NBEA: variants seen among roughly 807,000 people sequenced by gnomAD.
NBEA encodes neurobeachin, also known as lysosomal-trafficking regulator 2.
NBEA carries 44 observed loss-of-function variants against 343.4 expected under a neutral mutation model. That is an observed-to-expected ratio of 0.13 (90% CI 0.10 to 0.16). The LOEUF (loss-of-function observed/expected upper bound fraction) is 0.16, where lower values mean the gene tolerates loss of function less well. Among genes scored for constraint, NBEA ranks in the 10% least tolerant of loss-of-function variants. The probability of loss-of-function intolerance (pLI) is 1.00; values close to 1 mark genes in which losing one functional copy is unlikely to be tolerated. For missense variants in NBEA, 2,555 were observed against 3,631.3 expected, an observed-to-expected ratio of 0.70 and a Z score of 7.62; for synonymous variants, 1,175 against 1,238.7, an observed-to-expected ratio of 0.95 and a Z score of 1.08.
At chr13:35,501,585 C>G (rs1184989128) in intron 41 of NBEA, among the ~76,000 whole-genome samples, 1 of 152,100 alleles carries the variant, frequency 6.6e-6, no homozygotes, top group African/African-American at 2.4e-5. Context: ...ATTATATGCA[C>G]TCAGTTACAT....
At chr13:35,129,616 A>C (rs1345510359) in intron 17 of NBEA, among the ~76,000 whole-genome samples, 1 of 152,108 alleles carries the variant, frequency 6.6e-6, no homozygotes, top group Non-Finnish European at 1.5e-5. Flanking sequence ...CCATGACATT[A>C]AGAGAGGGGG....
chr13:35,021,812 T>C (rs1299543589), intron 1 of NBEA, among the ~76,000 whole-genome samples: 2 of 152,202 alleles, frequency 1.3e-5, no homozygotes, highest in Non-Finnish European at 2.9e-5. Flanking sequence ...ACGTGCATTA[T>C]CTTAAGCCCA....
intron 43 of NBEA, among the ~76,000 whole-genome samples, chr13:35,552,343 A>T (rs2079366886): frequency 6.6e-6 from 1 of 152,198 alleles, no homozygotes; most frequent in Non-Finnish European, 1.5e-5. Context: ...TATTCTCTTT[A>T]AGCTTACAGT....
chr13:35,016,524 C>T (rs2061663020), intron 1 of NBEA, among the ~76,000 whole-genome samples: 1 of 151,768 alleles, frequency 6.6e-6, no homozygotes, highest in Non-Finnish European at 1.5e-5. Context: ...GAGGCAGGTA[C>T]TAGGGTATAT....
At chr13:35,266,678 A>T (rs1195623128) in intron 34 of NBEA, among the ~76,000 whole-genome samples, 1 of 151,776 alleles carries the variant, frequency 6.6e-6, no homozygotes, top group Non-Finnish European at 1.5e-5. Flanking sequence ...ACCAGGGCCT[A>T]GGGTAGTTGG....
chr13:35,155,142 A>AG (rs2069074204), intron 18 of NBEA, among the ~76,000 whole-genome samples: 1 of 150,862 alleles, frequency 6.6e-6, no homozygotes, highest in Admixed American at 6.6e-5. Flanking sequence ...TAAAAAAAAA[A>AG]AAAAAAAAAA....
chr13:35,230,770 T>A (rs1221236357), intron 33 of NBEA, among the ~76,000 whole-genome samples: 1 of 152,054 alleles, frequency 6.6e-6, no homozygotes, highest in Non-Finnish European at 1.5e-5. Flanking sequence ...TTTCTAATAG[T>A]AAATACTCTC....
chr13:34,949,562 G>T (rs1471715301), intron 1 of NBEA, among the ~76,000 whole-genome samples: 1 of 152,086 alleles, frequency 6.6e-6, no homozygotes, highest in African/African-American at 2.4e-5. Context: ...GTTCATTTTG[G>T]CCGACCCAAG....
At chr13:35,559,532 G>A (rs2079751367) in intron 44 of NBEA, among the ~76,000 whole-genome samples, 1 of 151,994 alleles carries the variant, frequency 6.6e-6, no homozygotes, top group Non-Finnish European at 1.5e-5. Flanking sequence ...CTTATATTTT[G>A]TCATAATATG....
At chr13:35,014,070 G>T (rs1304539302) in intron 1 of NBEA, among the ~76,000 whole-genome samples, 1 of 151,982 alleles carries the variant, frequency 6.6e-6, no homozygotes, top group East Asian at 1.9e-4. Context: ...AGAAATTTTT[G>T]TAAACACCTT....
Position 35,156,123 on chromosome 13 carries a change from A to G in NBEA, c.2568A>G (p.Thr856=), listed in dbSNP as rs202056122. 1.3e-5 allele frequency: 21 copies of G among 1,588,398 alleles called. No individual in the cohort carries two copies. The Admixed American group carries it at 3.9e-4, about 30-fold the overall frequency. ...TGGCAACTTTGTTAAAAAACTCTAC[A>G]CCAAGTGCAGAGCTGATGGAAGTTC... The part of the protein sequence containing the change: ...KVVATLLKNS[T]PSAELMEVRR... Residue 856 remains threonine (T), a synonymous_variant, in exon 20 of 59, where the codon ACA becomes ACG. Transcript: ENST00000379939.
intron 11 of NBEA, among the ~76,000 whole-genome samples, chr13:35,103,921 A>G (rs185981364): frequency 5.9e-5 from 9 of 151,968 alleles, no homozygotes; most frequent in Non-Finnish European, 8.8e-5. Context: ...ATCCTTCACC[A>G]TTGGTTACCT....
At chr13:35,070,367 G>T in intron 9 of NBEA, among the ~76,000 whole-genome samples, 3 of 151,926 alleles carry the variant, frequency 2.0e-5, no homozygotes, top group African/African-American at 7.2e-5. Context: ...AACTGAATAA[G>T]TTAGTTGTTA....
chr13:35,501,286 T>G (rs1257424688), intron 41 of NBEA, among the ~76,000 whole-genome samples: 1 of 152,138 alleles, frequency 6.6e-6, no homozygotes, highest in African/African-American at 2.4e-5. Context: ...TTTTTACTGC[T>G]TACCCTTTTT....
chr13:35,645,768 C>A, intron 49 of NBEA, 101 bp from the exon 50 acceptor site: 1 of 563,304 alleles, frequency 1.8e-6, no homozygotes, highest in East Asian at 3.3e-5. Flanking sequence ...GGTGTTCTTT[C>A]TGCTGATCAC....
intron 18 of NBEA, among the ~76,000 whole-genome samples, chr13:35,150,826 G>GAGTAA (rs1265966702): frequency 2.6e-5 from 4 of 151,276 alleles, no homozygotes; most frequent in Non-Finnish European, 5.9e-5. Flanking sequence ...GAGTAGAGTA[G>GAGTAA]AGTAGGAGGC....
chr13:35,417,125 C>A (rs147085789), intron 38 of NBEA, among the ~76,000 whole-genome samples: 2,236 of 152,156 alleles, frequency 0.015, 66 homozygotes, highest in African/African-American at 0.05. Context: ...ATTCTTCTCT[C>A]TTTTCTTCTT....
intron 18 of NBEA, among the ~76,000 whole-genome samples, chr13:35,148,401 A>T (rs929544703): frequency 7.2e-5 from 11 of 152,208 alleles, no homozygotes; most frequent in Non-Finnish European, 1.6e-4. Context: ...ATCTTAAAAT[A>T]CTATCTGATC....
intron 38 of NBEA, among the ~76,000 whole-genome samples, chr13:35,392,075 C>T (rs2042528661): frequency 6.6e-6 from 1 of 152,020 alleles, no homozygotes; most frequent in African/African-American, 2.4e-5. Flanking sequence ...CGCTGTTTCT[C>T]TTAGATTTTA....
Sources: allele counts gnomAD v4.1 joint callset (sites outside exome capture counted in the v4.1 genomes callset), GRCh38; gene constraint gnomAD v4.1.1; transcripts MANE v1.5; gene names NCBI Gene and HGNC (gene_info 2026-07-23, HGNC 2026-07-21).